Variants in SLC25A48 observed in about 807,000 individuals in gnomAD.
The protein encoded by SLC25A48 is solute carrier family 25 member 48, also known as CTC-321K16.1.
In SLC25A48, 29 loss-of-function variants were observed where a neutral mutation model predicts 32.2. That is an observed-to-expected ratio of 0.90 (90% confidence interval 0.67 to 1.23). The LOEUF is 1.23. Ranked by LOEUF, SLC25A48 falls within the 50% of genes most tolerant of loss-of-function variation. SLC25A48 has a pLI of 0.00. For synonymous variants in SLC25A48, 164 were observed against 172.3 expected (o/e 0.95, Z 0.38); for missense variants, 399 against 422.7 (o/e 0.94, Z 0.49).
chr5:135,882,091 C>A (rs1473314138), intron 7 of SLC25A48, among the ~76,000 whole-genome samples: 2 of 152,230 alleles, frequency 1.3e-5, no homozygotes, highest in South Asian at 2.1e-4. Context: ...CAGTGACCAA[C>A]CCAATTGGAA....
At chr5:135,718,790 T>C (rs1754877114) in intron 3 of SLC25A48, among the ~76,000 whole-genome samples, 1 of 152,068 alleles carries the variant, frequency 6.6e-6, no homozygotes, top group Admixed American at 6.6e-5. Context: ...TGTAATGTTT[T>C]TCAAGTGATG....
intron 3 of SLC25A48, among the ~76,000 whole-genome samples, chr5:135,680,873 C>G (rs1753879996): frequency 6.6e-6 from 1 of 152,204 alleles, no homozygotes; most frequent in African/African-American, 2.4e-5. Flanking sequence ...CTCTCTTCTT[C>G]TGAAACTCCA....
chr5:135,588,208 G>C (rs1751417132), intron 1 of SLC25A48, among the ~76,000 whole-genome samples: 1 of 152,224 alleles, frequency 6.6e-6, no homozygotes, highest in Admixed American at 6.5e-5. Flanking sequence ...TTTTGTCTTT[G>C]AAGATGAAAC....
chr5:135,633,891 C>T (rs548755386), intron 2 of SLC25A48, among the ~76,000 whole-genome samples: 1 of 152,140 alleles, frequency 6.6e-6, no homozygotes, highest in African/African-American at 2.4e-5. Context: ...TTTTTTTTAA[C>T]TTAATTTAAA....
At chr5:135,683,192 G>T (rs960138070) in intron 3 of SLC25A48, among the ~76,000 whole-genome samples, 1 of 152,102 alleles carries the variant, frequency 6.6e-6, no homozygotes, top group Non-Finnish European at 1.5e-5. Flanking sequence ...ACTACTATTG[G>T]TTTAATCAGT....
intron 3 of SLC25A48, among the ~76,000 whole-genome samples, chr5:135,683,883 A>G (rs1753958094): frequency 6.6e-6 from 1 of 152,116 alleles, no homozygotes; most frequent in Admixed American, 6.6e-5. Context: ...GAGTTTTGAA[A>G]TGGACAAGAA....
intron 7 of SLC25A48, among the ~76,000 whole-genome samples, 183 bp from the exon 8 acceptor site, chr5:135,887,849 G>A (rs1762791582): frequency 6.6e-6 from 1 of 151,126 alleles, no homozygotes; most frequent in African/African-American, 2.5e-5. Flanking sequence ...TCTGTAAAAT[G>A]GCCACACTGG....
intron 3 of SLC25A48, among the ~76,000 whole-genome samples, chr5:135,754,955 T>C (rs1187888040): frequency 2.0e-5 from 3 of 152,116 alleles, no homozygotes; most frequent in African/African-American, 7.2e-5. Context: ...TAATGAAATA[T>C]CCCTCTTCTA....
At chr5:135,702,937 G>A (rs1754426169) in intron 3 of SLC25A48, among the ~76,000 whole-genome samples, 1 of 152,104 alleles carries the variant, frequency 6.6e-6, no homozygotes, top group Non-Finnish European at 1.5e-5. Context: ...GACCCTCTTC[G>A]GGAAAACACC....
rs557404850 is a variant in SLC25A48 at position 135,672,615 on chromosome 5, G to T, written c.-521+37659G>T. Among the ~76,000 whole-genome samples the T allele has an allele frequency of 8.5e-5, 13 of 152,282 alleles. No homozygotes were observed. In the South Asian group the frequency reaches 2.7e-3, roughly 32 times the overall value. ...TGGAGGTTCACAGGAAAGTGTGGTT[G>T]GGCAGCCAGATCCTGGTCAGGTGTT... On this transcript the variant is annotated intron_variant, in intron 3 of 10. Coordinates refer to the SLC25A48 transcript ENST00000646290.
chr5:135,874,145 A>T lies in SLC25A48; in HGVS notation c.804A>T (p.Glu268Asp). The T allele has an allele frequency of 1.4e-6, 2 of 1,464,272 alleles. No individual in the cohort carries two copies. Among genetic ancestry groups the T allele is most frequent in the Non-Finnish European group, 1.8e-6 (2 of 1,117,288 alleles). The allele number at this position is 1,464,272 out of a possible 1,614,324, so 90.7% of individuals were successfully genotyped here. Reference protein sequence around the residue: ...LDCISQSYQKEGLKVFFRGIT... With the variant: ...LDCISQSYQKDGLKVFFRGIT... The stretch of plus-strand genomic sequence containing the variant: ...GTATCTCCCAGAGTTACCAGAAGGA[A>T]GGTCTTAAAGTAAGCCCACAGCAGG... Residue 268 changes from glutamate to aspartate, a missense_variant, in exon 6 of 8, where the codon GAA (glutamate) becomes GAT (aspartate). Coordinates refer to ENST00000681962, the MANE Select transcript of SLC25A48 (RefSeq NM_001349336.2).
At chr5:135,725,751 G>T (rs546967723) in intron 3 of SLC25A48, among the ~76,000 whole-genome samples, 1 of 152,206 alleles carries the variant, frequency 6.6e-6, no homozygotes, top group South Asian at 2.1e-4. Context: ...AGACCTCTCC[G>T]TCTGATGGCA....
At chr5:135,790,133 AATT>A (rs1417220632) in intron 3 of SLC25A48, among the ~76,000 whole-genome samples, 7 of 151,472 alleles carry the variant, frequency 4.6e-5, no homozygotes, top group South Asian at 2.1e-4. Flanking sequence ...TTATTATTAT[AATT>A]ATTAATTATT....
chr5:135,650,622 G>A (rs1753088697), intron 3 of SLC25A48: 2 of 333,342 alleles, frequency 6.0e-6, no homozygotes, highest in Middle Eastern at 4.7e-4. Flanking sequence ...AGCACCTACT[G>A]TTAGCTCAGC....
At position 135,690,032 on chromosome 5, in the gene SLC25A48, C is replaced by T. The variant is rs148735579; in HGVS notation, c.-521+55076C>T. ...TTTGGGTCAGCCAGACATGTACATT[C>T]GAACTAGGGTGACCCACTGCCTCGG... On this transcript the variant is annotated intron_variant, in intron 3 of 10. Coordinates refer to the SLC25A48 transcript ENST00000646290. Among the ~76,000 whole-genome samples the T allele has an allele frequency of 5.2e-4, 79 of 152,228 alleles. No individual in the cohort carries two copies. In the East Asian group the frequency reaches 0.011, roughly 21 times the overall value.
intron 2 of SLC25A48, among the ~76,000 whole-genome samples, chr5:135,634,173 G>C (rs777948833): frequency 2.0e-5 from 3 of 152,222 alleles, no homozygotes; most frequent in African/African-American, 4.8e-5. Flanking sequence ...TGGGGGTGCT[G>C]TGTGTGCTTG....
rs1051639443 is a variant in SLC25A48 at position 135,716,078 on chromosome 5, C to A, written c.-521+81122C>A. Reference sequence around the variant, plus strand: ...GGCTTTGTGGTACCTGCAGCTTGGACCCCTTGTCACCTGGTGGTGTATTCC... The same window carrying A: ...GGCTTTGTGGTACCTGCAGCTTGGAACCCTTGTCACCTGGTGGTGTATTCC... On this transcript the variant is annotated intron_variant, in intron 3 of 10. Coordinates refer to the SLC25A48 transcript ENST00000646290. 5.3e-5 allele frequency among the ~76,000 whole-genome samples: 8 copies of A among 152,194 alleles called. 1 individual carries two copies. The highest frequency in any genetic ancestry group is 1.2e-4 in the Non-Finnish European group (8 of 68,046).
intron 3 of SLC25A48, among the ~76,000 whole-genome samples, chr5:135,755,140 AT>A (rs1274273188): frequency 6.6e-6 from 1 of 152,082 alleles, no homozygotes; most frequent in African/African-American, 2.4e-5. Flanking sequence ...TTGCAGCGTT[AT>A]TTATGATACC....
chr5:135,700,314 G>A (rs938523834), intron 3 of SLC25A48, among the ~76,000 whole-genome samples: 6 of 134,472 alleles, frequency 4.5e-5, no homozygotes, highest in Non-Finnish European at 7.7e-5. Flanking sequence ...GGAGGTTGCA[G>A]TGAGCCGAGA....
Sources: allele counts gnomAD v4.1 joint callset (sites outside exome capture counted in the v4.1 genomes callset), GRCh38; gene constraint gnomAD v4.1.1; transcripts MANE v1.5; gene names NCBI Gene and HGNC (gene_info 2026-07-23, HGNC 2026-07-21).